Variants in FAM153A observed in about 807,000 individuals in gnomAD.
FAM153A encodes the protein family with sequence similarity 153 member A, also known as protein FAM153A.
A neutral mutation model predicts 48.1 loss-of-function variants in FAM153A; 12 were observed. The observed-to-expected ratio is 0.25, with a 90% CI of 0.16 to 0.40. The LOEUF is 0.40. Among genes scored for constraint, FAM153A ranks in the 10% least tolerant of loss-of-function variants. The pLI is 1.00. For synonymous variants in FAM153A, 36 were observed against 118.2 expected (o/e 0.30, Z 4.51); for missense variants, 111 against 345.8 (o/e 0.32, Z 5.38).
chr5:177,741,782 G>A (rs897823291), intron 6 of FAM153A, among the ~76,000 whole-genome samples: 1 of 11,000 alleles, frequency 9.1e-5, no homozygotes, highest in Non-Finnish European at 1.8e-4. Context: ...GACCAGAACC[G>A]CAGGGGCAGA....
intron 26 of FAM153A, chr5:177,713,252 CTT>C (rs1227828705): frequency 7.8e-6 from 1 of 128,398 alleles, no homozygotes; most frequent in African/African-American, 2.7e-5. Context: ...CTTTTTCTTT[CTT>C]TTCTTTTTTT....
At chr5:177,739,693 C>T (rs748551408) in intron 8 of FAM153A, 23 bp from the exon 11 acceptor site, 1 of 387,416 alleles carries the variant, frequency 2.6e-6, no homozygotes, top group South Asian at 2.8e-5. Context: ...GGGTAAGTGT[C>T]ACTGCATGGA....
At chr5:177,695,466 C>T in the FAM153A span, among the ~76,000 whole-genome samples, 19 of 152,062 alleles carry the variant, frequency 1.2e-4, no homozygotes, top group African/African-American at 4.4e-4. Context: ...TGACACTTAA[C>T]GAGCATGCTG....
intron 18 of FAM153A, among the ~76,000 whole-genome samples, chr5:177,727,153 TGATCTGATCATTCATGGATGG>T (rs1479797645): frequency 6.7e-6 from 1 of 149,792 alleles, no homozygotes; most frequent in Admixed American, 6.6e-5. Context: ...TTTGCTGCTG[TGATCTGATCATTCATGGATGG>T]GTACTTCAGG....
At chr5:177,748,550 A>AT in intron 3 of FAM153A, 91 bp downstream of exon 5, 1 of 362,090 alleles carries the variant, frequency 2.8e-6, no homozygotes, top group South Asian at 2.8e-5. Flanking sequence ...TATAATGTAC[A>AT]TGGTAAGATT....
downstream of FAM153A, among the ~76,000 whole-genome samples, chr5:177,705,342 CT>C (rs567111158): frequency 2.8e-3 from 395 of 143,250 alleles, 4 homozygotes; most frequent in African/African-American, 0.01. Flanking sequence ...CCCCCACCCC[CT>C]CTTCCTTCTG....
chr5:177,753,809 A>C (rs2127700009), upstream of FAM153A, among the ~76,000 whole-genome samples: 1 of 151,808 alleles, frequency 6.6e-6, no homozygotes, highest in South Asian at 2.1e-4. Flanking sequence ...AGAACTATTA[A>C]ATCAAATGGG....
At chr5:177,700,377 GAAAGGTGGAAGTAAA>G in the FAM153A span, among the ~76,000 whole-genome samples, 1 of 151,900 alleles carries the variant, frequency 6.6e-6, no homozygotes, top group African/African-American at 2.4e-5. Flanking sequence ...ATCCAGATAG[GAAAGGTGGAAGTAAA>G]ACTATGTTTG....
rs1186995978 is a variant in FAM153A at position 177,737,913 on chromosome 5, A to T, written c.563-801T>A. ...ATGTATTCACTAACCTTTTGTTTTAAAGAAGACTAAACCAAGATTTGAAAA... is the reference window on the plus strand; with the variant it reads ...ATGTATTCACTAACCTTTTGTTTTATAGAAGACTAAACCAAGATTTGAAAA... On this transcript the variant is annotated intron_variant, in intron 10 of 20. Transcript: ENST00000614127. 2.0e-5 allele frequency among the ~76,000 whole-genome samples: 3 copies of T among 151,706 alleles called. No homozygotes were observed. In the East Asian group the frequency reaches 5.8e-4, roughly 29 times the overall value.
At chr5:177,726,486 C>T (rs1232359911) in intron 18 of FAM153A, among the ~76,000 whole-genome samples, 1 of 150,972 alleles carries the variant, frequency 6.6e-6, no homozygotes, top group East Asian at 2.0e-4. Context: ...ACTTCTACAC[C>T]TGTTTCATAT....
intron 10 of FAM153A, among the ~76,000 whole-genome samples, chr5:177,737,812 G>A (rs562191473): frequency 1.3e-5 from 2 of 151,844 alleles, no homozygotes; most frequent in African/African-American, 2.4e-5. Flanking sequence ...GAGCCACCAC[G>A]CCTGACCAGA....
At chr5:177,738,996 A>G (rs575580888) in intron 10 of FAM153A, 117 bp downstream of exon 12, 212 of 756,132 alleles carry the variant, frequency 2.8e-4, no homozygotes, top group Middle Eastern at 8.8e-4. Flanking sequence ...CCCAAACCCC[A>G]TTTTCCAATA....
chr5:177,778,181 C>T (rs1224583583), intron 1 of FAM153A, among the ~76,000 whole-genome samples: 2 of 28,876 alleles, frequency 6.9e-5, no homozygotes, highest in Non-Finnish European at 1.2e-4. Context: ...TTAGTGGGTG[C>T]AGCGCACCAG....
chr5:177,695,515 C>T, the FAM153A span, among the ~76,000 whole-genome samples: 2 of 152,266 alleles, frequency 1.3e-5, no homozygotes, highest in African/African-American at 2.4e-5. Context: ...TCTTGCACCG[C>T]CCTTAATCCA....
At chr5:177,763,913 G>T (rs1287521127) in intron 1 of FAM153A, among the ~76,000 whole-genome samples, 8 of 151,678 alleles carry the variant, frequency 5.3e-5, no homozygotes, top group Non-Finnish European at 2.9e-5. Flanking sequence ...GCCCTCTAAG[G>T]ATAGCTTGGA....
upstream of FAM153A, among the ~76,000 whole-genome samples, chr5:177,754,405 T>C (rs1767465030): frequency 6.6e-6 from 1 of 151,708 alleles, no homozygotes; most frequent in South Asian, 2.1e-4. Context: ...ACTCCACCTC[T>C]GGGGGCAGGG....
rs1769067902 is a variant in FAM153A at position 177,770,766 on chromosome 5, T to C, written c.-57+9683A>G. Among the ~76,000 whole-genome samples, 2 of 98,482 alleles carry C rather than the reference T, an allele frequency of 2.0e-5. 1 individual carries two copies. The highest frequency in any genetic ancestry group is 4.2e-5 in the Non-Finnish European group (2 of 47,262). 64.6% of individuals were successfully genotyped at this position (98,482 alleles called of 152,430 possible). A position where few individuals can be genotyped will look rare whatever the true frequency, so the allele number is the denominator to read the frequency against. On this transcript the variant is annotated intron_variant, in intron 1 of 8. Coordinates refer to the FAM153A transcript ENST00000393518. ...ACTTGGAGTGATTATAATGTGTCAA[T>C]GTAGGATCATCAGTTGTAACAAATG... is the stretch of plus-strand genomic sequence containing the variant.
At chr5:177,755,630 T>G (rs1467475809), upstream of FAM153A, among the ~76,000 whole-genome samples, 1 of 151,816 alleles carries the variant, frequency 6.6e-6, no homozygotes, top group Non-Finnish European at 1.5e-5. Flanking sequence ...GACTAACAGC[T>G]GATCTCTTGG....
chr5:177,698,334 A>G, the FAM153A span, among the ~76,000 whole-genome samples: 1 of 152,000 alleles, frequency 6.6e-6, no homozygotes, highest in African/African-American at 2.4e-5. Context: ...AGTTTTCTTC[A>G]TTCTTAATAC....
Sources: gnomAD v4.1 joint callset for allele counts (sites outside exome capture counted in the v4.1 genomes callset) on GRCh38, gnomAD v4.1.1 for gene constraint, MANE v1.5 for transcripts, NCBI Gene and HGNC (gene_info 2026-07-23, HGNC 2026-07-21) for gene names.